The following CCDC60 variants were observed in gnomAD, a reference collection of about 807,000 sequenced individuals.
CCDC60 encodes the protein coiled-coil domain-containing protein 60.
CCDC60 carries 54 observed loss-of-function variants against 63.5 expected under a neutral mutation model. The ratio of observed to expected loss-of-function variants is 0.85; its 90% CI spans 0.68 to 1.07. The LOEUF (loss-of-function observed/expected upper bound fraction) is 1.07. Among genes scored for constraint, CCDC60 ranks in the 50% least tolerant of loss-of-function variants. The pLI, the probability that CCDC60 is intolerant of heterozygous loss-of-function variation, is 0.00. For missense variants in CCDC60, 651 were observed against 684.3 expected (o/e 0.95, Z 0.54); for synonymous variants, 206 against 238.8 (o/e 0.86, Z 1.27).
chr12:119,355,050 C>T (rs1955702343), intron 1 of CCDC60, among the ~76,000 whole-genome samples: 3 of 152,146 alleles, frequency 2.0e-5, no homozygotes, highest in African/African-American at 7.2e-5. Context: ...CTATTTTCTT[C>T]CTGTTTGACC....
intron 2 of CCDC60, among the ~76,000 whole-genome samples, chr12:119,457,415 TC>T (rs1566020179): frequency 6.6e-6 from 1 of 152,290 alleles, no homozygotes; most frequent in East Asian, 1.9e-4. Context: ...AGAGGTGAAA[TC>T]CTGACTCAGC....
At chr12:119,478,416 A>G (rs527893784) in intron 3 of CCDC60, among the ~76,000 whole-genome samples, 10 of 152,200 alleles carry the variant, frequency 6.6e-5, no homozygotes, top group African/African-American at 2.4e-4. Flanking sequence ...CTCTGCTGTA[A>G]TGGTGAAAGA....
At chr12:119,512,972 C>T (rs1398231807) in intron 7 of CCDC60, among the ~76,000 whole-genome samples, 1 of 152,194 alleles carries the variant, frequency 6.6e-6, no homozygotes, top group African/African-American at 2.4e-5. Flanking sequence ...CTCCTCTTCT[C>T]ACTCCAAGTC....
chr12:119,506,555 G>A (rs537159435), intron 7 of CCDC60, among the ~76,000 whole-genome samples: 44 of 152,034 alleles, frequency 2.9e-4, no homozygotes, highest in African/African-American at 9.4e-4. Flanking sequence ...AGGGGCTGAC[G>A]TGAGCTGTGA....
intron 1 of CCDC60, among the ~76,000 whole-genome samples, chr12:119,408,894 T>C (rs934814443): frequency 6.6e-6 from 1 of 152,148 alleles, no homozygotes; most frequent in Non-Finnish European, 1.5e-5. Flanking sequence ...TTTCTTGCTA[T>C]GTGGACCTCT....
chr12:119,390,468 A>C (rs973567463), intron 1 of CCDC60, among the ~76,000 whole-genome samples: 2 of 152,234 alleles, frequency 1.3e-5, no homozygotes, highest in African/African-American at 4.8e-5. Context: ...CCAGTGCCTG[A>C]CATTTAGTGG....
At chr12:119,354,413 A>C (rs1398610344) in intron 1 of CCDC60, among the ~76,000 whole-genome samples, 2 of 152,190 alleles carry the variant, frequency 1.3e-5, no homozygotes, top group Non-Finnish European at 2.9e-5. Flanking sequence ...ATTAGATAAG[A>C]TTGATAACAG....
At chr12:119,357,781 T>C (rs1592987606) in intron 1 of CCDC60, among the ~76,000 whole-genome samples, 1 of 152,146 alleles carries the variant, frequency 6.6e-6, no homozygotes, top group African/African-American at 2.4e-5. Context: ...ATCCCAAATA[T>C]GTATGAGAGA....
At chr12:119,402,132 C>A (rs1239037087) in intron 1 of CCDC60, among the ~76,000 whole-genome samples, 1 of 152,144 alleles carries the variant, frequency 6.6e-6, no homozygotes, top group Non-Finnish European at 1.5e-5. Flanking sequence ...ATTGGCTGGG[C>A]CTGCATGTGA....
rs1415672949 is a variant in CCDC60 at position 119,458,870 on chromosome 12, C to A, written c.171-13124C>A. 2.0e-5 allele frequency among the ~76,000 whole-genome samples: 3 copies of A among 152,092 alleles called. No homozygotes were observed. The East Asian group carries it at 5.8e-4, about 29-fold the overall frequency. On this transcript the variant is annotated intron_variant, in intron 2 of 13. Transcript: ENST00000327554. ...CAAGCGATTCTCTTGCCTCAGCCCC[C>A]CGAGTAGCTGGAATTAAAGGCACCC...
At chr12:119,408,486 G>A (rs1245254683) in intron 1 of CCDC60, among the ~76,000 whole-genome samples, 2 of 152,174 alleles carry the variant, frequency 1.3e-5, no homozygotes, top group African/African-American at 2.4e-5. Context: ...GGCTAGAGAT[G>A]TATTAGGCTG....
Position 119,479,109 on chromosome 12 carries a change from G to A in CCDC60, c.357G>A (p.Glu119=). Residue 119 remains glutamate (E), a synonymous_variant, in exon 4 of 14, where the codon GAG becomes GAA. Transcript: ENST00000327554. ...TGTCCTTCAGCACATATGATGATGA[G>A]AAGTTGAAGACACTGGGAGCTAGAG... ...GDTLLSTYDD[E]KLKTLGARVT... 6.2e-7 allele frequency: 1 copy of A among 1,612,898 alleles called. No homozygotes were observed. Among genetic ancestry groups the A allele is most frequent in the Admixed American group, 1.7e-5 (1 of 60,026 alleles).
intron 1 of CCDC60, among the ~76,000 whole-genome samples, chr12:119,366,101 A>G (rs1955837473): frequency 1.3e-5 from 2 of 152,176 alleles, no homozygotes; most frequent in Admixed American, 1.3e-4. Context: ...GATGCTTCAC[A>G]TGAACTCCCT....
chr12:119,394,925 C>T (rs1344095434), intron 1 of CCDC60, among the ~76,000 whole-genome samples: 1 of 152,202 alleles, frequency 6.6e-6, no homozygotes, highest in Non-Finnish European at 1.5e-5. Flanking sequence ...CACAGAGAAG[C>T]ATGACTAACT....
At position 119,536,282 on chromosome 12, in the gene CCDC60, T is replaced by C. The variant is rs566198178; in HGVS notation, c.1552-4332T>C. ...CATTTGCTTGGTACATCTTCCTCCA[T>C]CCCTTTATTTTGAGCCTATGTGTGT... On this transcript the variant is annotated intron_variant, in intron 13 of 13. Coordinates refer to ENST00000327554, the MANE Select transcript of CCDC60 (RefSeq NM_178499.5). Among the ~76,000 whole-genome samples the C allele has an allele frequency of 2.6e-5, 4 of 152,306 alleles. No individual in the cohort carries two copies. In the East Asian group the frequency reaches 7.7e-4, roughly 29 times the overall value.
intron 12 of CCDC60, among the ~76,000 whole-genome samples, chr12:119,530,621 T>G (rs1192481372): frequency 1.3e-5 from 2 of 152,160 alleles, no homozygotes; most frequent in African/African-American, 4.8e-5. Flanking sequence ...GATAGAAAAA[T>G]TACAAATACA....
At chr12:119,364,779 G>A (rs914202455) in intron 1 of CCDC60, among the ~76,000 whole-genome samples, 10 of 152,212 alleles carry the variant, frequency 6.6e-5, no homozygotes, top group African/African-American at 1.7e-4. Context: ...TTGGACAACC[G>A]CAAGCATGAT....
intron 4 of CCDC60, among the ~76,000 whole-genome samples, chr12:119,487,280 T>C (rs1951469288): frequency 6.6e-6 from 1 of 150,844 alleles, no homozygotes; most frequent in Non-Finnish European, 1.5e-5. Flanking sequence ...GTATATTACC[T>C]AAAGGATTGT....
At chr12:119,431,141 G>C (rs1426355890) in intron 2 of CCDC60, among the ~76,000 whole-genome samples, 1 of 152,220 alleles carries the variant, frequency 6.6e-6, no homozygotes, top group Non-Finnish European at 1.5e-5. Flanking sequence ...CTGCTGCCTA[G>C]ACAGAGCCAA....
Sources: allele counts gnomAD v4.1 joint callset (sites outside exome capture counted in the v4.1 genomes callset), GRCh38; gene constraint gnomAD v4.1.1; transcripts MANE v1.5; gene names NCBI Gene and HGNC (gene_info 2026-07-23, HGNC 2026-07-21).